The following MCTP1 variants were observed in gnomAD, a reference collection of about 807,000 sequenced individuals.
MCTP1 encodes the protein multiple C2 and transmembrane domain containing 1.
A neutral mutation model predicts 120.6 loss-of-function variants in MCTP1; 69 were observed. The observed-to-expected ratio is 0.57, with a 90% CI of 0.47 to 0.70. The LOEUF is 0.70. Among genes scored for constraint, MCTP1 ranks in the 30% least tolerant of loss-of-function variants. The probability of loss-of-function intolerance (pLI) is 0.00; values close to 1 mark genes in which losing one functional copy is unlikely to be tolerated. For missense variants in MCTP1, 1,203 were observed against 1,248.8 expected, an observed-to-expected ratio of 0.96 and a Z score of 0.55; for synonymous variants, 529 against 493.1, an observed-to-expected ratio of 1.07 and a Z score of -0.96.
chr5:95,118,586 T>C (rs761784480), intron 1 of MCTP1, among the ~76,000 whole-genome samples: 1 of 152,024 alleles, frequency 6.6e-6, no homozygotes, highest in Non-Finnish European at 1.5e-5. Flanking sequence ...TTAAAAGACA[T>C]AGAGTGGCTG....
At chr5:94,797,631 A>G (rs1407932195) in intron 18 of MCTP1, among the ~76,000 whole-genome samples, 3 of 152,142 alleles carry the variant, frequency 2.0e-5, no homozygotes, top group Non-Finnish European at 4.4e-5. Context: ...CTGCCTAACC[A>G]TTAAAATCTC....
At chr5:95,005,770 ATT>A (rs70978157) in intron 2 of MCTP1, among the ~76,000 whole-genome samples, 9,608 of 64,822 alleles carry the variant, frequency 0.15, 558 homozygotes, top group African/African-American at 0.32. Flanking sequence ...TTCTTTCTTT[ATT>A]TTTTTTTTTT....
chr5:94,779,055 G>T, intron 19 of MCTP1, 55 bp downstream of exon 19: 1 of 1,462,014 alleles, frequency 6.8e-7, no homozygotes, highest in Non-Finnish European at 9.6e-7. Context: ...TGAAAACAGT[G>T]TCATGTCTAC....
At chr5:95,275,345 G>A (rs1026695372) in intron 1 of MCTP1, among the ~76,000 whole-genome samples, 2 of 152,200 alleles carry the variant, frequency 1.3e-5, no homozygotes, top group African/African-American at 2.4e-5. Context: ...CTGGCAACAC[G>A]GTTTCTTTCC....
chr5:94,852,548 G>T (rs1793956820), intron 17 of MCTP1, among the ~76,000 whole-genome samples: 2 of 151,776 alleles, frequency 1.3e-5, no homozygotes, highest in Non-Finnish European at 1.5e-5. Context: ...TTATCCTAAG[G>T]CTATCTATCA....
At chr5:95,157,542 A>G (rs1225319752) in intron 1 of MCTP1, among the ~76,000 whole-genome samples, 1 of 152,244 alleles carries the variant, frequency 6.6e-6, no homozygotes, top group African/African-American at 2.4e-5. Flanking sequence ...GTCCATGGTC[A>G]GTGGTATAAA....
intron 2 of MCTP1, among the ~76,000 whole-genome samples, chr5:95,015,869 T>C (rs1837012209): frequency 6.6e-6 from 1 of 152,132 alleles, no homozygotes; most frequent in Non-Finnish European, 1.5e-5. Context: ...TTCAAATTGC[T>C]GGGGGCATAT....
chr5:94,957,138 A>C (rs1822841698), intron 2 of MCTP1, among the ~76,000 whole-genome samples: 1 of 152,228 alleles, frequency 6.6e-6, no homozygotes. Context: ...AGGAATTTCC[A>C]ACTCAGAATT....
At chr5:95,153,335 T>C (rs1582382079) in intron 1 of MCTP1, among the ~76,000 whole-genome samples, 1 of 152,234 alleles carries the variant, frequency 6.6e-6, no homozygotes, top group East Asian at 1.9e-4. Context: ...TGTGGAACTG[T>C]GAACCAATTA....
At chr5:94,933,946 T>G (rs540250746) in intron 5 of MCTP1, among the ~76,000 whole-genome samples, 41 of 151,830 alleles carry the variant, frequency 2.7e-4, no homozygotes, top group Non-Finnish European at 5.8e-4. Flanking sequence ...GTGATTACCC[T>G]AAGTATAAAT....
intron 1 of MCTP1, among the ~76,000 whole-genome samples, chr5:95,122,631 C>T (rs1758328343): frequency 2.0e-5 from 3 of 152,192 alleles, no homozygotes; most frequent in Non-Finnish European, 1.5e-5. Context: ...TACTATCCAA[C>T]AATTCCACTC....
At chr5:94,748,419 T>G (rs1483828652) in intron 19 of MCTP1, among the ~76,000 whole-genome samples, 2 of 152,230 alleles carry the variant, frequency 1.3e-5, no homozygotes, top group Non-Finnish European at 2.9e-5. Flanking sequence ...GCCAACTTTC[T>G]AACCTGGCCC....
At chr5:95,067,397 G>A (rs72779412) in intron 1 of MCTP1, among the ~76,000 whole-genome samples, 4,964 of 152,072 alleles carry the variant, frequency 0.033, 108 homozygotes, top group Non-Finnish European at 0.052. Flanking sequence ...ATTCTATCAC[G>A]TAAATGTGTG....
intron 17 of MCTP1, among the ~76,000 whole-genome samples, chr5:94,856,387 G>A (rs1156731699): frequency 2.6e-5 from 4 of 151,558 alleles, no homozygotes; most frequent in South Asian, 4.1e-4. Context: ...AAGGAAATTC[G>A]CCATCTACAA....
At chr5:94,729,005 G>T (rs1762633625) in intron 19 of MCTP1, among the ~76,000 whole-genome samples, 1 of 152,126 alleles carries the variant, frequency 6.6e-6, no homozygotes, top group South Asian at 2.1e-4. Context: ...GCAAATACAT[G>T]GATAAACAAA....
chr5:94,811,656 T>C (rs1783443484), intron 17 of MCTP1, among the ~76,000 whole-genome samples: 1 of 152,228 alleles, frequency 6.6e-6, no homozygotes, highest in Non-Finnish European at 1.5e-5. Context: ...GCAATGCTGC[T>C]GCATGTCTAT....
At chr5:94,868,282 T>C (rs777274427) in intron 17 of MCTP1, 51 bp downstream of exon 17, 3 of 1,510,082 alleles carry the variant, frequency 2.0e-6, no homozygotes, top group African/African-American at 2.8e-5. Context: ...CATGCAGCTA[T>C]GATTACTGAA....
chr5:95,204,752 A>G (rs1407955950), intron 1 of MCTP1, among the ~76,000 whole-genome samples: 1 of 152,188 alleles, frequency 6.6e-6, no homozygotes, highest in Non-Finnish European at 1.5e-5. Flanking sequence ...CGAAAAAAAT[A>G]ATTCATTTAC....
Position 94,894,849 on chromosome 5 carries a change from T to C in MCTP1, c.1653-14A>G. 4 of 1,501,786 alleles carry C rather than the reference T, an allele frequency of 2.7e-6. No individual in the cohort carries two copies. Among genetic ancestry groups the C allele is most frequent in the Non-Finnish European group, 3.6e-6 (4 of 1,119,700 alleles). 93.0% of individuals were successfully genotyped at this position (1,501,786 alleles called of 1,614,324 possible). On this transcript the variant is annotated splice_polypyrimidine_tract_variant and intron_variant, in intron 10 of 22. Transcript: ENST00000515393. ...TCGACCTGGCACCTAGAGACAAATG[T>C]TTTGAATCAGCAAGTGGCTTTTTTT...
Sources: allele counts gnomAD v4.1 joint callset (sites outside exome capture counted in the v4.1 genomes callset), GRCh38; gene constraint gnomAD v4.1.1; transcripts MANE v1.5; gene names NCBI Gene and HGNC (gene_info 2026-07-23, HGNC 2026-07-21).